ZFYVE26: variants seen among roughly 807,000 people sequenced by gnomAD.
ZFYVE26 encodes zinc finger FYVE-type containing 26, also known as zinc finger FYVE domain-containing protein 26.
In ZFYVE26, 181 loss-of-function variants were observed where a neutral mutation model predicts 276.5. That is an observed-to-expected ratio of 0.65 (90% CI 0.58 to 0.74). The LOEUF is 0.74. Ranked by LOEUF, ZFYVE26 falls within the 30% of genes least tolerant of loss-of-function variation. ZFYVE26 has a pLI of 0.00. For synonymous variants in ZFYVE26, 1,129 were observed against 1,203.1 expected (o/e 0.94, Z 1.27); for missense variants, 2,821 against 3,097.9 (o/e 0.91, Z 2.12).
At position 67,755,114 on chromosome 14, in the gene ZFYVE26, C is replaced by T. The variant is rs377225508; in HGVS notation, c.6923G>A (p.Arg2308His). 1.8e-5 allele frequency: 29 copies of T among 1,613,974 alleles called. No homozygotes were observed. Among genetic ancestry groups the T allele is most frequent in the Middle Eastern group, 1.6e-4 (1 of 6,082 alleles). ...TGTGGTTTTCTTCCTTCCAGAGCTG[C>T]GGGATGTTTCTTGGAGGTAGATCTT... ...HLKIYLQETS[R>H]SSGRKKTTFF... is the part of the protein sequence containing the mutation. Residue 2308 changes from arginine (R) to histidine (H), a missense_variant, in exon 37 of 42, where the codon CGC (arginine) becomes CAC (histidine). Coordinates refer to ENST00000347230, the MANE Select transcript of ZFYVE26 (RefSeq NM_015346.4).
chr14:67,784,281 T>C (rs994777712), intron 20 of ZFYVE26, 53 bp downstream of exon 20: 58 of 1,479,554 alleles, frequency 3.9e-5, no homozygotes, highest in Non-Finnish European at 5.0e-5. Flanking sequence ...CTTGGCTATA[T>C]TGATGAAATC....
At position 67,752,433 on chromosome 14, in the gene ZFYVE26, A is replaced by G; in HGVS notation, c.7282T>C (p.Cys2428Arg). ...GCTGCCATGCCTGACTCACTGACACATTTGAGCAGTTGCTGGATCTCACTG... is the reference window on the plus strand; with the variant it reads ...GCTGCCATGCCTGACTCACTGACACGTTTGAGCAGTTGCTGGATCTCACTG... ...KYSEIQQLLK[C>R]VSESGMAAKS... Residue 2428 changes from cysteine to arginine, a missense_variant, in exon 40 of 42, where the codon TGT becomes CGT. Cys to Arg is a radical substitution (Grantham distance 180). Coordinates refer to ENST00000347230, the MANE Select transcript of ZFYVE26 (RefSeq NM_015346.4). The G allele has an allele frequency of 6.2e-7, 1 of 1,614,032 alleles. No homozygotes were observed. The highest frequency in any genetic ancestry group is 1.1e-5 in the South Asian group (1 of 91,016).
chr14:67,806,203 A>G (rs527627248), intron 6 of ZFYVE26, among the ~76,000 whole-genome samples: 2 of 152,346 alleles, frequency 1.3e-5, no homozygotes, highest in African/African-American at 4.8e-5. Context: ...GCCCAGTTGC[A>G]ATCTGGAAGG....
At chr14:67,787,357 GA>G (rs896607847) in intron 16 of ZFYVE26, among the ~76,000 whole-genome samples, 10 of 143,574 alleles carry the variant, frequency 7.0e-5, no homozygotes, top group South Asian at 4.4e-4. Context: ...CTCTGTCTCA[GA>G]AAAAAAAAAA....
At chr14:67,802,370 C>G in intron 9 of ZFYVE26, 88 bp from the exon 10 acceptor site, 1 of 1,334,586 alleles carries the variant, frequency 7.5e-7, no homozygotes, top group Non-Finnish European at 1.1e-6. Context: ...CTGTGCCATA[C>G]TTAGAGGTCC....
chr14:67,784,787 G>A (rs1366555036), intron 19 of ZFYVE26, among the ~76,000 whole-genome samples: 1 of 149,804 alleles, frequency 6.7e-6, no homozygotes, highest in Non-Finnish European at 1.5e-5. Flanking sequence ...TCTGCTGGGT[G>A]CTCAAATTCA....
chr14:67,809,169 C>G, intron 4 of ZFYVE26, 31 bp downstream of exon 4: 1 of 1,590,104 alleles, frequency 6.3e-7, no homozygotes, highest in Middle Eastern at 1.7e-4. Flanking sequence ...ACTGTCAACC[C>G]TGGGCAGATG....
At position 67,807,653 on chromosome 14, in the gene ZFYVE26, G is replaced by T; in HGVS notation, c.631C>A (p.Pro211Thr). 2 of 1,614,174 alleles carry T rather than the reference G, an allele frequency of 1.2e-6. No homozygotes were observed. The highest frequency in any genetic ancestry group is 1.7e-6 in the Non-Finnish European group (2 of 1,180,042). Residue 211 changes from proline (P) to threonine (T), a missense_variant, in exon 5 of 42, where the codon CCC (proline) becomes ACC (threonine). Physicochemically the swap from Pro to Thr is conservative, Grantham distance 38 (BLOSUM62 -1). Coordinates refer to ENST00000347230, the MANE Select transcript of ZFYVE26 (RefSeq NM_015346.4). ...LRALQGPDSV[P>T]PGVVDAIYGA... ...TAGATGGCATCGACTACCCCAGGGG[G>T]CACCGAATCAGGGCCCTGCAAAGCC...
At chr14:67,748,889 G>A (rs575009813) in intron 41 of ZFYVE26, among the ~76,000 whole-genome samples, 32 of 152,320 alleles carry the variant, frequency 2.1e-4, no homozygotes, top group African/African-American at 7.7e-4. Flanking sequence ...AGGCAGGCCA[G>A]CAGGCAGTTT....
chr14:67,811,257 T>C (rs1594941514), intron 3 of ZFYVE26, among the ~76,000 whole-genome samples: 1 of 152,344 alleles, frequency 6.6e-6, no homozygotes, highest in East Asian at 1.9e-4. Context: ...ATTTTACTGC[T>C]GAAACTACTT....
intron 10 of ZFYVE26, among the ~76,000 whole-genome samples, chr14:67,800,594 A>G (rs1181301261): frequency 6.6e-6 from 1 of 152,188 alleles, no homozygotes; most frequent in Non-Finnish European, 1.5e-5. Context: ...AAGACAAGCC[A>G]TATTGATCCA....
At chr14:67,767,933 T>C (rs1188950049) in intron 30 of ZFYVE26, 93 bp from the exon 31 acceptor site, 1 of 1,539,004 alleles carries the variant, frequency 6.5e-7, no homozygotes, top group Non-Finnish European at 9.0e-7. Context: ...AGGTAGACAC[T>C]TGCCTGCTAT....
At chr14:67,797,888 G>T in intron 11 of ZFYVE26, 126 bp downstream of exon 11, 1 of 1,583,448 alleles carries the variant, frequency 6.3e-7, no homozygotes, top group Non-Finnish European at 8.6e-7. Flanking sequence ...TCTGACACTG[G>T]TTGCCATGGT....
At position 67,775,126 on chromosome 14, in the gene ZFYVE26, GA is replaced by G; in HGVS notation, c.5222-13del. On this transcript the variant is annotated splice_polypyrimidine_tract_variant and intron_variant, in intron 26 of 41. Transcript: ENST00000347230. ...GTGAATCACAGAATCTGTAGAGAGGGAAAATGCTGACAAAATATGGTTCTAC... is the reference window on the plus strand; with the variant it reads ...GTGAATCACAGAATCTGTAGAGAGGGAAATGCTGACAAAATATGGTTCTAC... 6.4e-7 allele frequency: 1 copy of G among 1,574,118 alleles called. No individual in the cohort carries two copies. The highest frequency in any genetic ancestry group is 8.7e-7 in the Non-Finnish European group (1 of 1,149,850).
At chr14:67,809,420 T>C (rs926820576) in intron 3 of ZFYVE26, 131 bp from the exon 4 acceptor site, 2 of 584,844 alleles carry the variant, frequency 3.4e-6, no homozygotes, top group South Asian at 2.2e-5. Context: ...TTTTTTTTTT[T>C]TTTTTTTTTT....
chr14:67,800,958 T>TAAAG (rs2040065521), intron 10 of ZFYVE26, among the ~76,000 whole-genome samples: 1 of 150,796 alleles, frequency 6.6e-6, no homozygotes, highest in African/African-American at 2.5e-5. Flanking sequence ...AATAAATAAA[T>TAAAG]AAAAGTACAG....
rs1358698371 is a variant in ZFYVE26, at chr14:67,777,628, G to T, written c.4905C>A (p.Thr1635=). 1 of 1,614,036 alleles carries T rather than the reference G, an allele frequency of 6.2e-7. No homozygotes were observed. The highest frequency in any genetic ancestry group is 2.2e-5 in the East Asian group (1 of 44,894). Residue 1635 remains threonine, a synonymous_variant, in exon 25 of 42, where the codon ACC becomes ACA. Coordinates refer to ENST00000347230, the MANE Select transcript of ZFYVE26 (RefSeq NM_015346.4). The part of the protein sequence containing the change: ...ATSHFLANYL[T]THFYGQLTAV... ...CAGTCAGTTGTCCATAGAAGTGGGT[G>T]GTGAGGTAGTTGGCCAAGAAGTGAG...
chr14:67,810,497 T>C (rs1291900226), intron 3 of ZFYVE26, among the ~76,000 whole-genome samples: 2 of 152,252 alleles, frequency 1.3e-5, no homozygotes, highest in Non-Finnish European at 2.9e-5. Context: ...TATTTATATA[T>C]TTTTTACAAA....
chr14:67,754,004 C>A, intron 38 of ZFYVE26, 67 bp downstream of exon 38: 1 of 1,610,498 alleles, frequency 6.2e-7, no homozygotes. Flanking sequence ...CACTAGACAA[C>A]TGCAATTATG....
Sources: allele counts gnomAD v4.1 joint callset (sites outside exome capture counted in the v4.1 genomes callset), GRCh38; gene constraint gnomAD v4.1.1; transcripts MANE v1.5; gene names NCBI Gene and HGNC (gene_info 2026-07-23, HGNC 2026-07-21).